RBFOX1: variants seen among roughly 807,000 people sequenced by gnomAD.
RBFOX1 encodes RNA binding fox-1 homolog 1.
Under a neutral mutation model 57.7 loss-of-function variants are expected in RBFOX1, and 8 were observed. That is an observed-to-expected ratio of 0.14 (90% CI 0.08 to 0.25). RBFOX1 has a LOEUF of 0.25. Among genes scored for constraint, RBFOX1 ranks in the 10% least tolerant of loss-of-function variants. The pLI is 1.00. For synonymous variants in RBFOX1, 326 were observed against 222.4 expected (o/e 1.47, Z -4.15); for missense variants, 611 against 548.5 (o/e 1.11, Z -1.14).
At chr16:6,401,462 G>A (rs1011774157) in intron 2 of RBFOX1, among the ~76,000 whole-genome samples, 1 of 152,128 alleles carries the variant, frequency 6.6e-6, no homozygotes, top group African/African-American at 2.4e-5. Flanking sequence ...ACCAACATTG[G>A]ACTGTGATCA....
intron 3 of RBFOX1, among the ~76,000 whole-genome samples, chr16:5,827,506 C>G (rs556158968): frequency 2.0e-5 from 3 of 152,164 alleles, no homozygotes; most frequent in Admixed American, 2.0e-4. Context: ...CGAGAACTCC[C>G]TCCCTCTACA....
chr16:5,922,088 G>A (rs1346435433), intron 4 of RBFOX1, among the ~76,000 whole-genome samples: 1 of 152,130 alleles, frequency 6.6e-6, no homozygotes, highest in East Asian at 1.9e-4. Context: ...TTGAGTCCAG[G>A]AGGTCGAGGC....
At chr16:6,887,382 C>A (rs1483105455) in intron 3 of RBFOX1, among the ~76,000 whole-genome samples, 2 of 152,068 alleles carry the variant, frequency 1.3e-5, no homozygotes, top group South Asian at 2.1e-4. Context: ...CTTATGGGTT[C>A]ATTGTGATTT....
At chr16:6,625,633 T>C (rs904964432) in intron 2 of RBFOX1, among the ~76,000 whole-genome samples, 1 of 152,196 alleles carries the variant, frequency 6.6e-6, no homozygotes, top group Non-Finnish European at 1.5e-5. Context: ...TTCAGAACTA[T>C]GTAGTTCCCC....
At chr16:6,603,056 C>G (rs145945781) in intron 2 of RBFOX1, among the ~76,000 whole-genome samples, 606 of 152,310 alleles carry the variant, frequency 4.0e-3, no homozygotes, top group African/African-American at 0.014. Context: ...TCATTGTCTA[C>G]TCTTCATCCT....
At chr16:6,752,924 T>C (rs1235572261) in intron 3 of RBFOX1, among the ~76,000 whole-genome samples, 1 of 152,170 alleles carries the variant, frequency 6.6e-6, no homozygotes, top group Non-Finnish European at 1.5e-5. Flanking sequence ...TGGCAATATG[T>C]TTATACGGTG....
intron 2 of RBFOX1, among the ~76,000 whole-genome samples, chr16:6,349,746 G>A (rs1490906683): frequency 2.0e-5 from 3 of 152,256 alleles, no homozygotes; most frequent in East Asian, 3.9e-4. Flanking sequence ...ATTAAGTGCT[G>A]GGCTAATTGT....
At chr16:6,847,658 A>G (rs7201500) in intron 3 of RBFOX1, among the ~76,000 whole-genome samples, 104,759 of 152,044 alleles carry the variant, frequency 0.69, 37,174 homozygotes, top group East Asian at 0.9. Flanking sequence ...AGTCGACCAC[A>G]GCATAACTAC....
Position 6,631,139 on chromosome 16 carries a change from G to A in RBFOX1, c.-63-23464G>A, listed in dbSNP as rs369200802. Among the ~76,000 whole-genome samples, 20 of 152,200 alleles carry A rather than the reference G, an allele frequency of 1.3e-4. No homozygotes were observed. In the East Asian group the frequency reaches 1.4e-3, roughly 10 times the overall value. ...AATTACTAACATGAAAAGGCAGATA[G>A]AAAATTTAGAAGGTCAAAGGCAGAG... is the stretch of plus-strand genomic sequence containing the variant. On this transcript the variant is annotated intron_variant, in intron 2 of 15. Coordinates refer to ENST00000550418, the MANE Select transcript of RBFOX1 (RefSeq NM_018723.4).
At chr16:5,753,565 G>C (rs997671863) in intron 3 of RBFOX1, among the ~76,000 whole-genome samples, 1 of 152,162 alleles carries the variant, frequency 6.6e-6, no homozygotes, top group Non-Finnish European at 1.5e-5. Context: ...GCTGCAGCCA[G>C]CTTGTATTGG....
intron 2 of RBFOX1, among the ~76,000 whole-genome samples, chr16:5,544,261 T>C (rs535598547): frequency 6.6e-6 from 1 of 152,256 alleles, no homozygotes; most frequent in South Asian, 2.1e-4. Context: ...AAACTGGAAA[T>C]TGGCAACAGA....
intron 1 of RBFOX1, among the ~76,000 whole-genome samples, chr16:5,359,977 C>G (rs1596652302): frequency 1.3e-5 from 2 of 152,146 alleles, no homozygotes; most frequent in African/African-American, 4.8e-5. Context: ...TGTTCCAGAG[C>G]GAAAACAATC....
At chr16:6,485,405 A>T (rs934424960) in intron 2 of RBFOX1, among the ~76,000 whole-genome samples, 1 of 149,484 alleles carries the variant, frequency 6.7e-6, no homozygotes, top group Non-Finnish European at 1.5e-5. Flanking sequence ...TCCTTATCCC[A>T]TTTTTTTTCA....
intron 3 of RBFOX1, among the ~76,000 whole-genome samples, chr16:5,855,976 C>CTTTTT (rs1160702604): frequency 3.6e-4 from 28 of 77,674 alleles, no homozygotes; most frequent in South Asian, 8.3e-4. Context: ...GTATGTTATT[C>CTTTTT]TTTTTTTTTT....
chr16:6,231,407 C>T (rs1195216543), intron 1 of RBFOX1, among the ~76,000 whole-genome samples: 2 of 152,094 alleles, frequency 1.3e-5, no homozygotes, highest in Non-Finnish European at 1.5e-5. Context: ...CAAAGAATCC[C>T]ATAAACATGG....
intron 1 of RBFOX1, among the ~76,000 whole-genome samples, chr16:5,316,400 T>A (rs34072055): frequency 1.3e-5 from 2 of 152,132 alleles, no homozygotes; most frequent in African/African-American, 2.4e-5. Flanking sequence ...GCCCAGAACA[T>A]GGGCAGTCTC....
intron 3 of RBFOX1, among the ~76,000 whole-genome samples, chr16:6,686,652 T>A (rs2154128454): frequency 6.6e-6 from 1 of 152,306 alleles, no homozygotes; most frequent in South Asian, 2.1e-4. Context: ...CTCCTTGTCC[T>A]TTTGAGACAC....
intron 3 of RBFOX1, among the ~76,000 whole-genome samples, chr16:5,725,984 G>T (rs1896590140): frequency 6.6e-6 from 1 of 152,052 alleles, no homozygotes; most frequent in Admixed American, 6.6e-5. Context: ...TCACCAAAGA[G>T]TCTCTTCTTT....
chr16:7,325,986 C>G (rs1204888105), intron 4 of RBFOX1, among the ~76,000 whole-genome samples: 1 of 152,144 alleles, frequency 6.6e-6, no homozygotes, highest in Non-Finnish European at 1.5e-5. Flanking sequence ...CTAGTGTCAT[C>G]ATTCTTGATG....
Sources: gnomAD v4.1 joint callset for allele counts (sites outside exome capture counted in the v4.1 genomes callset) on GRCh38, gnomAD v4.1.1 for gene constraint, MANE v1.5 for transcripts, NCBI Gene and HGNC (gene_info 2026-07-23, HGNC 2026-07-21) for gene names.